The following CCDC88A variants were observed in gnomAD, a reference collection of about 807,000 sequenced individuals.
CCDC88A encodes the protein coiled-coil and HOOK domain protein 88A.
A neutral mutation model predicts 234.3 loss-of-function variants in CCDC88A; 54 were observed. That is an observed-to-expected ratio of 0.23 (90% CI 0.19 to 0.29). CCDC88A has a LOEUF of 0.29. Among genes scored for constraint, CCDC88A ranks in the 10% least tolerant of loss-of-function variants. CCDC88A has a pLI of 1.00. For missense variants in CCDC88A, 1,832 were observed against 2,123.4 expected (o/e 0.86, Z 2.70); for synonymous variants, 753 against 737.8 (o/e 1.02, Z -0.33).
At chr2:55,300,430 T>C (rs1680752707) in intron 28 of CCDC88A, 1 of 152,658 alleles carries the variant, frequency 6.6e-6, no homozygotes, top group Admixed American at 6.5e-5. Flanking sequence ...TTTAACATGT[T>C]ATCCACTTAT....
chr2:55,301,072 A>G lies in CCDC88A; in HGVS notation c.4744+134T>C, dbSNP rs568593376. On this transcript the variant is annotated intron_variant, in intron 28 of 32. Transcript: ENST00000436346. ...GGAGTATTAGGTTTGAAGAAATGGT[A>G]GAGGTAACTATGAGATGCAGGATAG... 58 of 616,770 alleles carry G rather than the reference A, an allele frequency of 9.4e-5. No homozygotes were observed. The African/African-American group carries it at 1.0e-3, about 11-fold the overall frequency. The allele number at this position is 616,770 out of a possible 1,614,324, so 38.2% of individuals were successfully genotyped here. A position where few individuals can be genotyped will look rare whatever the true frequency, so the allele number is the denominator to read the frequency against.
At chr2:55,329,460 A>G (rs985763704) in intron 16 of CCDC88A, 2 of 152,198 alleles carry the variant, frequency 1.3e-5, no homozygotes, top group African/African-American at 4.8e-5. Context: ...AATCTCATTC[A>G]CTTTGGTATC....
At position 55,416,425 on chromosome 2, in the gene CCDC88A, C is replaced by CAAAT. The variant is rs58743440; in HGVS notation, c.164+2387_164+2390dup. Among the ~76,000 whole-genome samples, 57 of 44,670 alleles carry CAAAT rather than the reference C, an allele frequency of 1.3e-3. 2 individuals are homozygous for CAAAT. The South Asian group carries it at 0.015, about 12-fold the overall frequency. 29.3% of individuals were successfully genotyped at this position (44,670 alleles called of 152,430 possible). On this transcript the variant is annotated intron_variant, in intron 2 of 32. Coordinates refer to ENST00000436346, the MANE Select transcript of CCDC88A (RefSeq NM_001365480.1). Reference sequence around the variant, plus strand: ...TGGACTTCCAAAAGGGTGAAGAGGTCAAATAAATAAATAAATAAATATATA... The same window carrying CAAAT: ...TGGACTTCCAAAAGGGTGAAGAGGTCAAATAAATAAATAAATAAATAAATATATA...
chr2:55,299,706 AATGTTCCAAACAACT>A (rs1447532726), intron 29 of CCDC88A, 118 bp downstream of exon 29: 8 of 635,478 alleles, frequency 1.3e-5, no homozygotes, highest in East Asian at 7.8e-5. Context: ...AAAAGTATAA[AATGTTCCAAACAACT>A]ATGTTCCAAA....
intron 2 of CCDC88A, among the ~76,000 whole-genome samples, chr2:55,389,413 T>C (rs1299283668): frequency 6.6e-6 from 1 of 152,114 alleles, no homozygotes; most frequent in East Asian, 1.9e-4. Flanking sequence ...CAGCAGAAAC[T>C]GCAGAAGAAA....
At chr2:55,354,288 G>A (rs922310408) in intron 8 of CCDC88A, among the ~76,000 whole-genome samples, 9 of 151,270 alleles carry the variant, frequency 5.9e-5, no homozygotes, top group East Asian at 4.0e-4. Context: ...CTACCACCAC[G>A]CCTGGCTAAT....
At chr2:55,414,875 C>G (rs1038992728) in intron 2 of CCDC88A, among the ~76,000 whole-genome samples, 1 of 151,822 alleles carries the variant, frequency 6.6e-6, no homozygotes, top group African/African-American at 2.4e-5. Flanking sequence ...ACCATCCTGG[C>G]TAACACGGTG....
At position 55,339,525 on chromosome 2, in the gene CCDC88A, A is replaced by G; in HGVS notation, c.1457T>C (p.Val486Ala). Residue 486 changes from valine to alanine, a missense_variant, in exon 13 of 33, where the codon GTA becomes GCA. Physicochemically the swap from Val to Ala is moderately conservative, Grantham distance 64. This residue lies in a region of CCDC88A where 1,282 missense variants were observed against 1,543.6 expected (regional missense o/e 0.83). Coordinates refer to ENST00000436346, the MANE Select transcript of CCDC88A (RefSeq NM_001365480.1). ...CAGGATTTTGGAAGCATTGCCTTCT[A>G]CAGAATCCACAGTAGTCCGAAGCTC... The part of the protein sequence containing the change: ...VEELRTTVDS[V>A]EGNASKILKM... 6.2e-7 allele frequency: 1 copy of G among 1,611,552 alleles called. No homozygotes were observed. The highest frequency in any genetic ancestry group is 8.5e-7 in the Non-Finnish European group (1 of 1,179,198).
chr2:55,326,371 TATAC>T (rs1436650386), intron 17 of CCDC88A, among the ~76,000 whole-genome samples: 3 of 152,144 alleles, frequency 2.0e-5, no homozygotes, highest in Non-Finnish European at 4.4e-5. Flanking sequence ...TCATATTACC[TATAC>T]CTCTTTGTCA....
Position 55,316,131 on chromosome 2 carries a change from T to C in CCDC88A, c.3747-17A>G, listed in dbSNP as rs868776025. 4 of 1,119,522 alleles carry C rather than the reference T, an allele frequency of 3.6e-6. No homozygotes were observed. Among genetic ancestry groups the C allele is most frequent in the Admixed American group, 2.6e-5 (1 of 37,946 alleles). The allele number at this position is 1,119,522 out of a possible 1,614,324, so 69.3% of individuals were successfully genotyped here. A position where few individuals can be genotyped will look rare whatever the true frequency, so the allele number is the denominator to read the frequency against. On this transcript the variant is annotated splice_polypyrimidine_tract_variant and intron_variant, in intron 21 of 32. Coordinates refer to ENST00000436346, the MANE Select transcript of CCDC88A (RefSeq NM_001365480.1). ...TGATTCAGCCTATAATTAGAAATCA[T>C]AGAAATATAATTAGATTATCTTAAT...
At chr2:55,349,328 T>TA in intron 9 of CCDC88A, 190 bp downstream of exon 9, 1 of 569,990 alleles carries the variant, frequency 1.8e-6, no homozygotes. Flanking sequence ...TGAACAGCAT[T>TA]AATATGGAAG....
In CCDC88A at chr2:55,419,311, T is replaced by C. The variant is rs908659258; in HGVS notation, c.-232A>G. 5.8e-6 allele frequency: 3 copies of C among 521,216 alleles called. No individual in the cohort carries two copies. Among genetic ancestry groups the C allele is most frequent in the African/African-American group, 3.8e-5 (2 of 52,024 alleles). 32.3% of individuals were successfully genotyped at this position (521,216 alleles called of 1,614,324 possible). A position where few individuals can be genotyped will look rare whatever the true frequency, so the allele number is the denominator to read the frequency against. On this transcript the variant is annotated 5_prime_UTR_variant, in exon 1 of 33. Coordinates refer to ENST00000436346, the MANE Select transcript of CCDC88A (RefSeq NM_001365480.1). ...GGACACCACGAGCAGCAGCCTGCGC[T>C]GGAAATGTCTGTACCGGGCGAGGAG...
rs1558768231 is a variant in CCDC88A, at chr2:55,375,468, ACTATAT to A, written c.274-591_274-586del. On this transcript the variant is annotated intron_variant, in intron 3 of 32. Transcript: ENST00000436346. Reference sequence around the variant, plus strand: ...TCAAATTTATAAGTACTGTCACTGTACTATATATATATATATATATATATATATATA... The same window carrying A: ...TCAAATTTATAAGTACTGTCACTGTAATATATATATATATATATATATATA... Among the ~76,000 whole-genome samples the A allele has an allele frequency of 1.9e-4, 25 of 129,704 alleles. 1 individual carries two copies. Among genetic ancestry groups the A allele is most frequent in the East Asian group, 5.7e-4 (2 of 3,524 alleles). 85.1% of individuals were successfully genotyped at this position (129,704 alleles called of 152,430 possible). A position where few individuals can be genotyped will look rare whatever the true frequency, so the allele number is the denominator to read the frequency against.
intron 2 of CCDC88A, chr2:55,403,315 T>A (rs1679026974): frequency 6.6e-6 from 1 of 152,230 alleles, no homozygotes; most frequent in South Asian, 2.1e-4. Flanking sequence ...GAGATAATCA[T>A]CGCACTTTGT....
chr2:55,336,569 C>G lies in CCDC88A; in HGVS notation c.1656+112G>C, dbSNP rs1270095814. On this transcript the variant is annotated intron_variant, in intron 14 of 32. Transcript: ENST00000436346. Reference sequence around the variant, plus strand: ...ATAATTACTTTAAAATAAAAAAATTCTAAAATATTTCCCTTTAATGTTTAT... The same window carrying G: ...ATAATTACTTTAAAATAAAAAAATTGTAAAATATTTCCCTTTAATGTTTAT... 5 of 636,374 alleles carry G rather than the reference C, an allele frequency of 7.9e-6. No homozygotes were observed. The East Asian group carries it at 1.7e-4, about 21-fold the overall frequency. 39.4% of individuals were successfully genotyped at this position (636,374 alleles called of 1,614,324 possible). A position where few individuals can be genotyped will look rare whatever the true frequency, so the allele number is the denominator to read the frequency against.
intron 2 of CCDC88A, among the ~76,000 whole-genome samples, chr2:55,393,566 T>G (rs985850772): frequency 6.6e-6 from 1 of 152,066 alleles, no homozygotes; most frequent in African/African-American, 2.4e-5. Context: ...AGTGCTGGGA[T>G]TACAGGCATG....
intron 2 of CCDC88A, chr2:55,406,218 G>C (rs1449203337): frequency 6.6e-6 from 1 of 151,076 alleles, no homozygotes; most frequent in African/African-American, 2.4e-5. Context: ...TATTTACAAA[G>C]GTGGAAATAT....
rs375102215 is a variant in CCDC88A at position 55,362,686 on chromosome 2, T to C, written c.487-238A>G. Reference sequence around the variant, plus strand: ...TTTTCTAGTCAACAAAAATAAAATATTAATATTTAACTCAAGGCATTCTTA... The same window carrying C: ...TTTTCTAGTCAACAAAAATAAAATACTAATATTTAACTCAAGGCATTCTTA... On this transcript the variant is annotated intron_variant, in intron 6 of 32. Coordinates refer to ENST00000436346, the MANE Select transcript of CCDC88A (RefSeq NM_001365480.1). Among the ~76,000 whole-genome samples the C allele has an allele frequency of 5.9e-5, 9 of 152,060 alleles. No homozygotes were observed. In the East Asian group the frequency reaches 7.7e-4, roughly 13 times the overall value.
rs1363886842 is a variant in CCDC88A, at chr2:55,318,984, C to T, written c.3183G>A (p.Glu1061=). The change falls in exon 19 of 33, where the codon GAG becomes GAA. Residue 1061 remains glutamate, a synonymous_variant. Coordinates refer to ENST00000436346, the MANE Select transcript of CCDC88A (RefSeq NM_001365480.1). ...TCAGTTGAGTTTTCAACGCTTGCTT[C>T]TCTGCTTGCAGTGTAGCATTCTTGA... ...VERNNATLQA[E]KQALKTQLKQ... is the part of the protein sequence containing the mutation. 2 of 1,612,998 alleles carry T rather than the reference C, an allele frequency of 1.2e-6. No homozygotes were observed. The highest frequency in any genetic ancestry group is 1.7e-6 in the Non-Finnish European group (2 of 1,179,440).
Sources: gnomAD v4.1 joint callset for allele counts (sites outside exome capture counted in the v4.1 genomes callset) on GRCh38, gnomAD v4.1.1 for gene constraint, gnomAD v4.1.1 regional missense constraint, MANE v1.5 for transcripts, NCBI Gene and HGNC (gene_info 2026-07-23, HGNC 2026-07-21) for gene names.